KANSL3: variants seen among roughly 807,000 people sequenced by gnomAD.
KANSL3 encodes the protein KAT8 regulatory NSL complex subunit 3, also known as NSL complex protein NSL3.
KANSL3 carries 16 observed loss-of-function variants against 89.2 expected under a neutral mutation model. The ratio of observed to expected loss-of-function variants is 0.18; its 90% CI spans 0.12 to 0.27. The LOEUF is 0.27. Ranked by LOEUF, KANSL3 falls within the 10% of genes least tolerant of loss-of-function variation. KANSL3 has a pLI of 1.00. For synonymous variants in KANSL3, 385 were observed against 419.7 expected (o/e 0.92, Z 1.01); for missense variants, 879 against 1,110.6 (o/e 0.79, Z 2.96).
At position 96,608,539 on chromosome 2, in the gene KANSL3, T is replaced by C; in HGVS notation, c.1710A>G (p.Thr570=). 6.2e-7 allele frequency: 1 copy of C among 1,614,064 alleles called. No individual in the cohort carries two copies. Among genetic ancestry groups the C allele is most frequent in the South Asian group, 1.1e-5 (1 of 91,088 alleles). Residue 570 remains threonine, a synonymous_variant, in exon 14 of 21, where the codon ACA becomes ACG. Coordinates refer to ENST00000431828, the MANE Select transcript of KANSL3 (RefSeq NM_001115016.3). The part of the protein sequence containing the change: ...SQLLKRHVQR[T]EAVLTHKQAQ... ...CTTGTTTGTGGGTCAGCACAGCTTCTGTCCGCTGCACATGTCTCTTCAGCA... is the reference window on the plus strand; with the variant it reads ...CTTGTTTGTGGGTCAGCACAGCTTCCGTCCGCTGCACATGTCTCTTCAGCA...
chr2:96,588,742 C>T (rs1258334915), downstream of KANSL3, among the ~76,000 whole-genome samples: 2 of 152,006 alleles, frequency 1.3e-5, no homozygotes, highest in African/African-American at 4.8e-5. Flanking sequence ...AGGCGCCCAC[C>T]ACCACACCCA....
chr2:96,597,789 G>A (rs555800551), intron 20 of KANSL3, among the ~76,000 whole-genome samples: 6 of 152,156 alleles, frequency 3.9e-5, no homozygotes, highest in South Asian at 4.2e-4. Flanking sequence ...TTTTAGTAGA[G>A]ATGGGGTTTC....
At position 96,593,610 on chromosome 2, in the gene KANSL3, A is replaced by G; in HGVS notation, c.*2001T>C. ...TTGTGGAGTTCTTCAAGGTGGACAG[A>G]TCACACCTCAGGAAGTCATCCCTTG... On this transcript the variant is annotated 3_prime_UTR_variant, in exon 21 of 21. Coordinates refer to ENST00000431828, the MANE Select transcript of KANSL3 (RefSeq NM_001115016.3). The G allele has an allele frequency of 3.5e-6, 1 of 286,488 alleles. No individual in the cohort carries two copies. The highest frequency in any genetic ancestry group is 7.0e-6 in the Non-Finnish European group (1 of 143,112). 17.7% of individuals were successfully genotyped at this position (286,488 alleles called of 1,614,324 possible). A position where few individuals can be genotyped will look rare whatever the true frequency, so the allele number is the denominator to read the frequency against.
chr2:96,608,480 A>G, intron 14 of KANSL3, 28 bp downstream of exon 14: 1 of 1,612,838 alleles, frequency 6.2e-7, no homozygotes, highest in Non-Finnish European at 8.5e-7. Context: ...GACAGACCCA[A>G]GAGGAGCCAC....
chr2:96,612,419 A>G, intron 8 of KANSL3, 43 bp downstream of exon 8: 1 of 1,603,444 alleles, frequency 6.2e-7, no homozygotes, highest in South Asian at 1.1e-5. Flanking sequence ...CAACCCCAGA[A>G]TGCTGGGTAT....
intron 5 of KANSL3, among the ~76,000 whole-genome samples, chr2:96,616,708 T>C (rs1010593677): frequency 6.6e-6 from 1 of 152,210 alleles, no homozygotes; most frequent in African/African-American, 2.4e-5. Flanking sequence ...GAGAGGATGT[T>C]GCCTTGAGTC....
At chr2:96,608,483 G>C in intron 14 of KANSL3, 25 bp downstream of exon 14, 1 of 1,612,926 alleles carries the variant, frequency 6.2e-7, no homozygotes, top group Non-Finnish European at 8.5e-7. Flanking sequence ...AGACCCAAGA[G>C]GAGCCACTGG....
rs1331017708 is a variant in KANSL3, at chr2:96,602,122, C to T, written c.2476G>A (p.Ala826Thr). 1 of 1,575,740 alleles carries T rather than the reference C, an allele frequency of 6.3e-7. No individual in the cohort carries two copies. The highest frequency in any genetic ancestry group is 8.6e-7 in the Non-Finnish European group (1 of 1,160,726). Residue 826 changes from alanine (A) to threonine (T), a missense_variant, in exon 19 of 21, where the codon GCA becomes ACA. This residue lies in a region of KANSL3 where 89 missense variants were observed against 139.7 expected (regional missense o/e 0.64). Coordinates refer to ENST00000431828, the MANE Select transcript of KANSL3 (RefSeq NM_001115016.3). ...LPGLAQISNQ[A>T]SGLKVPTTIT... ...GTTCTCATGAGAGACTCACCTGATG[C>T]TTGGTTAGAGATCTGAGCCAGGCCA...
downstream of KANSL3, among the ~76,000 whole-genome samples, chr2:96,592,990 G>A (rs1333996348): frequency 4.6e-5 from 7 of 151,338 alleles, no homozygotes; most frequent in Admixed American, 1.3e-4. Flanking sequence ...ATAACAATGC[G>A]AGACTCCATC....
intron 5 of KANSL3, 67 bp from the exon 6 acceptor site, chr2:96,613,686 A>G: frequency 2.0e-6 from 3 of 1,509,582 alleles, no homozygotes; most frequent in East Asian, 4.7e-5. Flanking sequence ...CCAGCAATCA[A>G]GCAGAAGAAC....
Position 96,638,300 on chromosome 2 carries a change from C to A in KANSL3, c.-68G>T, listed in dbSNP as rs1351086009. 1 of 152,262 alleles carries A rather than the reference C, an allele frequency of 6.6e-6. No individual in the cohort carries two copies. Among genetic ancestry groups the A allele is most frequent in the African/African-American group, 2.4e-5 (1 of 41,474 alleles). The allele number at this position is 152,262 out of a possible 1,614,324, so 9.4% of individuals were successfully genotyped here. A position where few individuals can be genotyped will look rare whatever the true frequency, so the allele number is the denominator to read the frequency against. ...GCTCTCACCCGCGGTCTTACGGCCG[C>A]GCGCTCGGCCACGGCCGGATCCCTA... On this transcript the variant is annotated 5_prime_UTR_variant, in exon 1 of 21. Transcript: ENST00000431828.
At chr2:96,599,709 A>G in intron 20 of KANSL3, 1 of 616,862 alleles carries the variant, frequency 1.6e-6, no homozygotes, top group Non-Finnish European at 2.0e-6. Context: ...ACATCTGAAT[A>G]TACAAAGCCA....
chr2:96,615,318 T>C (rs552055225), intron 5 of KANSL3, among the ~76,000 whole-genome samples: 1 of 152,324 alleles, frequency 6.6e-6, no homozygotes, highest in South Asian at 2.1e-4. Context: ...CATTTTCTTC[T>C]AGAGTACTGC....
Position 96,595,414 on chromosome 2 carries a change from C to A in KANSL3, c.*197G>T. The A allele has an allele frequency of 1.8e-6, 1 of 554,548 alleles. No individual in the cohort carries two copies. Among genetic ancestry groups the A allele is most frequent in the Non-Finnish European group, 3.2e-6 (1 of 309,654 alleles). The allele number at this position is 554,548 out of a possible 1,614,324, so 34.4% of individuals were successfully genotyped here. On this transcript the variant is annotated 3_prime_UTR_variant, in exon 21 of 21. Coordinates refer to ENST00000431828, the MANE Select transcript of KANSL3 (RefSeq NM_001115016.3). Reference sequence around the variant, plus strand: ...AGGAACCAGATTTGCAGATCCTGGACGATGGTGCTTCCCTTGCTGGCACCG... The same window carrying A: ...AGGAACCAGATTTGCAGATCCTGGAAGATGGTGCTTCCCTTGCTGGCACCG...
chr2:96,583,431 G>A, the KANSL3 span, among the ~76,000 whole-genome samples: 1 of 152,122 alleles, frequency 6.6e-6, no homozygotes, highest in South Asian at 2.1e-4. Context: ...CTCCTTTCTG[G>A]TTACAGTCTC....
chr2:96,620,270 A>C (rs1254956576), intron 3 of KANSL3, among the ~76,000 whole-genome samples: 1 of 152,216 alleles, frequency 6.6e-6, no homozygotes. Context: ...AAATATAACC[A>C]ATAAAGAGGC....
At chr2:96,584,087 TTCTGGTTATATGTGTG>T in the KANSL3 span, among the ~76,000 whole-genome samples, 1 of 152,244 alleles carries the variant, frequency 6.6e-6, no homozygotes, top group Non-Finnish European at 1.5e-5. Flanking sequence ...CTTTTATGTA[TTCTGGTTATATGTGTG>T]TCCTCGGTCA....
At chr2:96,634,841 A>G (rs1336135147) in intron 2 of KANSL3, among the ~76,000 whole-genome samples, 1 of 152,182 alleles carries the variant, frequency 6.6e-6, no homozygotes, top group African/African-American at 2.4e-5. Flanking sequence ...TCTTGATTTC[A>G]CCATCACAAA....
chr2:96,637,207 TAGGTCAA>T, intron 1 of KANSL3, 22 bp from the exon 2 acceptor site: 1 of 976,504 alleles, frequency 1.0e-6, no homozygotes, highest in Non-Finnish European at 1.5e-6. Context: ...AGTTTCAGTT[TAGGTCAA>T]TTCCAATATC....
Sources: gnomAD v4.1 joint callset for allele counts (sites outside exome capture counted in the v4.1 genomes callset) on GRCh38, gnomAD v4.1.1 for gene constraint, gnomAD v4.1.1 regional missense constraint, MANE v1.5 for transcripts, NCBI Gene and HGNC (gene_info 2026-07-23, HGNC 2026-07-21) for gene names.